SLX4IP: variants seen among roughly 807,000 people sequenced by gnomAD.
The protein encoded by SLX4IP is protein SLX4IP.
SLX4IP carries 34 observed loss-of-function variants against 32.9 expected under a neutral mutation model. The ratio of observed to expected loss-of-function variants is 1.03; its 90% CI spans 0.79 to 1.38. The LOEUF (loss-of-function observed/expected upper bound fraction) is 1.38. Among genes scored for constraint, SLX4IP ranks in the 40% most tolerant of loss-of-function variants. The probability of loss-of-function intolerance (pLI) is 0.00; values close to 1 mark genes in which losing one functional copy is unlikely to be tolerated. For missense variants in SLX4IP, 444 were observed against 479.0 expected (o/e 0.93, Z 0.68); for synonymous variants, 172 against 171.7 (o/e 1.00, Z -0.01).
At chr20:10,448,426 C>T (rs2065218403) in intron 1 of SLX4IP, among the ~76,000 whole-genome samples, 1 of 152,176 alleles carries the variant, frequency 6.6e-6, no homozygotes, top group South Asian at 2.1e-4. Flanking sequence ...ACACTTTGCA[C>T]TGTACCATGA....
chr20:10,580,272 A>T (rs2066569240), intron 4 of SLX4IP, among the ~76,000 whole-genome samples: 1 of 151,888 alleles, frequency 6.6e-6, no homozygotes, highest in African/African-American at 2.4e-5. Context: ...TCTCTCTATT[A>T]TTCTATGCAT....
intron 6 of SLX4IP, among the ~76,000 whole-genome samples, chr20:10,606,789 A>G (rs2083796159): frequency 6.6e-6 from 1 of 152,172 alleles, no homozygotes; most frequent in African/African-American, 2.4e-5. Flanking sequence ...GTCCGTGTGT[A>G]TGTATTTTAA....
intron 2 of SLX4IP, among the ~76,000 whole-genome samples, chr20:10,464,810 G>A (rs1278752947): frequency 8.9e-6 from 1 of 112,370 alleles, no homozygotes; most frequent in Non-Finnish European, 2.3e-5. Flanking sequence ...TTCTGGCCTT[G>A]AATTCTTTTT....
chr20:10,556,743 T>C (rs1449780917), intron 3 of SLX4IP, among the ~76,000 whole-genome samples: 1 of 152,210 alleles, frequency 6.6e-6, no homozygotes, highest in Non-Finnish European at 1.5e-5. Context: ...AAGCCTCAGC[T>C]TTTATTTTCT....
At chr20:10,471,212 C>A (rs986772665) in intron 2 of SLX4IP, among the ~76,000 whole-genome samples, 5 of 152,086 alleles carry the variant, frequency 3.3e-5, no homozygotes, top group Admixed American at 6.5e-5. Context: ...TCTCATAATT[C>A]TTGGGAGTGA....
intron 3 of SLX4IP, among the ~76,000 whole-genome samples, chr20:10,559,637 A>C (rs1329004271): frequency 1.3e-5 from 2 of 152,218 alleles, no homozygotes; most frequent in East Asian, 3.8e-4. Context: ...CTGTTAGTGC[A>C]GGAAACAACT....
intron 2 of SLX4IP, among the ~76,000 whole-genome samples, chr20:10,545,398 T>C (rs1408695189): frequency 2.0e-5 from 3 of 152,178 alleles, no homozygotes; most frequent in Admixed American, 1.3e-4. Context: ...CTTAGCCCTA[T>C]CTTTGGCCTG....
At chr20:10,527,332 A>G (rs562248571) in intron 2 of SLX4IP, among the ~76,000 whole-genome samples, 2 of 152,364 alleles carry the variant, frequency 1.3e-5, no homozygotes, top group Admixed American at 6.5e-5. Context: ...CAACTCTGGC[A>G]GGAAGGTTAG....
At chr20:10,611,859 G>A (rs968803493) in intron 6 of SLX4IP, among the ~76,000 whole-genome samples, 1 of 152,188 alleles carries the variant, frequency 6.6e-6, no homozygotes, top group African/African-American at 2.4e-5. Flanking sequence ...AGAGAGGACT[G>A]GAGCCAAAGT....
chr20:10,501,879 A>G (rs1240107278), intron 2 of SLX4IP, among the ~76,000 whole-genome samples: 1 of 152,240 alleles, frequency 6.6e-6, no homozygotes, highest in Non-Finnish European at 1.5e-5. Context: ...AAGCAAATGT[A>G]CTACTTTTAT....
chr20:10,614,451 G>A (rs532398184), intron 6 of SLX4IP, among the ~76,000 whole-genome samples: 1 of 152,294 alleles, frequency 6.6e-6, no homozygotes, highest in African/African-American at 2.4e-5. Flanking sequence ...ATCATATGGG[G>A]TGGGCCATGT....
chr20:10,531,882 T>G (rs2122465372), intron 2 of SLX4IP, among the ~76,000 whole-genome samples: 1 of 152,272 alleles, frequency 6.6e-6, no homozygotes, highest in Non-Finnish European at 1.5e-5. Context: ...AGGAGCAAGT[T>G]TTACAGTCTT....
chr20:10,534,968 C>T (rs551786966), intron 2 of SLX4IP, among the ~76,000 whole-genome samples: 4 of 152,326 alleles, frequency 2.6e-5, no homozygotes, highest in Admixed American at 2.6e-4. Context: ...CAACCTCTTA[C>T]CAGCTTCCTA....
intron 1 of SLX4IP, among the ~76,000 whole-genome samples, chr20:10,454,575 A>C (rs2065270024): frequency 2.0e-5 from 3 of 152,182 alleles, no homozygotes; most frequent in Non-Finnish European, 4.4e-5. Context: ...GAGCACAGTA[A>C]AGGGGAATAT....
chr20:10,559,128 A>T (rs544209424), intron 3 of SLX4IP, among the ~76,000 whole-genome samples: 1,461 of 137,518 alleles, frequency 0.011, 9 homozygotes, highest in Middle Eastern at 0.025. Context: ...ATTGTTTTTT[A>T]AAAAAAAAAA....
intron 2 of SLX4IP, among the ~76,000 whole-genome samples, chr20:10,477,991 C>G (rs1338563141): frequency 6.6e-6 from 1 of 151,428 alleles, no homozygotes; most frequent in Non-Finnish European, 1.5e-5. Context: ...CTCCGCTTCC[C>G]AGGTTCAAGC....
At chr20:10,532,105 T>C (rs973943658) in intron 2 of SLX4IP, among the ~76,000 whole-genome samples, 7 of 152,334 alleles carry the variant, frequency 4.6e-5, no homozygotes, top group Admixed American at 4.6e-4. Context: ...CGTCATTGAC[T>C]GGAGTGGTCT....
At chr20:10,436,198 A>G (rs2065112408) in intron 1 of SLX4IP, among the ~76,000 whole-genome samples, 1 of 152,132 alleles carries the variant, frequency 6.6e-6, no homozygotes, top group Admixed American at 6.6e-5. Context: ...CTCCAAGTTC[A>G]TTTCACCTAC....
At chr20:10,525,443 C>T (rs1489375307) in intron 2 of SLX4IP, among the ~76,000 whole-genome samples, 1 of 152,096 alleles carries the variant, frequency 6.6e-6, no homozygotes, top group African/African-American at 2.4e-5. Flanking sequence ...AGTTGTATTA[C>T]AATGTTGAGT....
Sources: gnomAD v4.1 joint callset for allele counts (sites outside exome capture counted in the v4.1 genomes callset) on GRCh38, gnomAD v4.1.1 for gene constraint, MANE v1.5 for transcripts, NCBI Gene and HGNC (gene_info 2026-07-23, HGNC 2026-07-21) for gene names.